Variants in GLDN observed in about 807,000 individuals in gnomAD.
GLDN encodes the protein gliomedin, also known as collomin.
Under a neutral mutation model 56.5 loss-of-function variants are expected in GLDN, and 47 were observed. That is an observed-to-expected ratio of 0.83 (90% confidence interval 0.66 to 1.06). GLDN has a LOEUF of 1.06. Ranked by LOEUF, GLDN falls within the 50% of genes least tolerant of loss-of-function variation. The pLI is 0.00. For missense variants in GLDN, 782 were observed against 714.3 expected, an observed-to-expected ratio of 1.09 and a Z score of -1.08; for synonymous variants, 332 against 278.8, an observed-to-expected ratio of 1.19 and a Z score of -1.90.
intron 1 of GLDN, among the ~76,000 whole-genome samples, chr15:51,352,766 C>G (rs936393960): frequency 6.6e-6 from 1 of 152,182 alleles, no homozygotes. Flanking sequence ...AGAAATCTGA[C>G]CTAACTGGCT....
At chr15:51,370,521 A>C (rs2141077372) in intron 1 of GLDN, among the ~76,000 whole-genome samples, 1 of 152,324 alleles carries the variant, frequency 6.6e-6, no homozygotes, top group Non-Finnish European at 1.5e-5. Flanking sequence ...GAAACAACAG[A>C]GATCTGTCCA....
chr15:51,355,805 G>A (rs917589036), intron 1 of GLDN, among the ~76,000 whole-genome samples: 6 of 150,654 alleles, frequency 4.0e-5, no homozygotes, highest in East Asian at 4.0e-4. Flanking sequence ...TTACAGGCGT[G>A]AGCCACCACA....
chr15:51,342,116 C>G, intron 1 of GLDN, 69 bp downstream of exon 1: 1 of 1,562,850 alleles, frequency 6.4e-7, no homozygotes, highest in Non-Finnish European at 8.6e-7. Context: ...GGCGAGGACG[C>G]CGACGCCCTC....
rs547081906 is a variant in GLDN at position 51,407,486 on chromosome 15, T to G, written c.*2732T>G. 2 of 152,320 alleles carry G rather than the reference T, an allele frequency of 1.3e-5. No homozygotes were observed. The highest frequency in any genetic ancestry group is 4.1e-4 in the South Asian group (2 of 4,824). 9.4% of individuals were successfully genotyped at this position (152,320 alleles called of 1,614,324 possible). On this transcript the variant is annotated 3_prime_UTR_variant, in exon 10 of 10. Transcript: ENST00000335449. ...ACCAGATAATTCTCTAATTCTTCTTTAATCTAAAGTAGATAGCTTCCCACT... is the reference window on the plus strand; with the variant it reads ...ACCAGATAATTCTCTAATTCTTCTTGAATCTAAAGTAGATAGCTTCCCACT...
At chr15:51,345,634 A>G (rs1331492432) in intron 1 of GLDN, among the ~76,000 whole-genome samples, 1 of 152,214 alleles carries the variant, frequency 6.6e-6, no homozygotes, top group East Asian at 1.9e-4. Context: ...CTCACCCCCA[A>G]AACTATAGCT....
Position 51,353,713 on chromosome 15 carries a change from TTA to T in GLDN, c.363+11667_363+11668del, listed in dbSNP as rs781062061. On this transcript the variant is annotated intron_variant, in intron 1 of 9. Transcript: ENST00000335449. ...CTATCAGAACAGTCCTCGGATTTGATTAAAAAAAAAAAAAAAAAAAACCACAG... is the reference window on the plus strand; with the variant it reads ...CTATCAGAACAGTCCTCGGATTTGATAAAAAAAAAAAAAAAAAAACCACAG... Among the ~76,000 whole-genome samples, 437 of 80,476 alleles carry T rather than the reference TTA, an allele frequency of 5.4e-3. 6 individuals carry two copies. The highest frequency in any genetic ancestry group is 0.019 in the African/African-American group (343 of 18,128). The allele number at this position is 80,476 out of a possible 152,430, so 52.8% of individuals were successfully genotyped here. A position where few individuals can be genotyped will look rare whatever the true frequency, so the allele number is the denominator to read the frequency against.
intron 1 of GLDN, among the ~76,000 whole-genome samples, chr15:51,371,575 G>A (rs1213885349): frequency 6.6e-6 from 1 of 152,180 alleles, no homozygotes; most frequent in Admixed American, 6.5e-5. Flanking sequence ...GGAAAAGCTG[G>A]TCAGGCTGCC....
chr15:51,374,431 A>T (rs2037581401), intron 1 of GLDN, among the ~76,000 whole-genome samples: 1 of 152,220 alleles, frequency 6.6e-6, no homozygotes, highest in South Asian at 2.1e-4. Context: ...TGGTGATGTT[A>T]AGATAATCAC....
intron 2 of GLDN, among the ~76,000 whole-genome samples, chr15:51,382,469 T>C (rs1478880560): frequency 6.6e-6 from 1 of 152,038 alleles, no homozygotes; most frequent in Non-Finnish European, 1.5e-5. Flanking sequence ...TGGTAATCAT[T>C]ATATGTGGTC....
At chr15:51,365,654 A>G (rs1474857768) in intron 1 of GLDN, among the ~76,000 whole-genome samples, 1 of 152,202 alleles carries the variant, frequency 6.6e-6, no homozygotes, top group African/African-American at 2.4e-5. Flanking sequence ...TCTGACTCCC[A>G]AGTCCACGAT....
chr15:51,400,078 G>A lies in GLDN; in HGVS notation c.818-114G>A, dbSNP rs566987095. On this transcript the variant is annotated intron_variant, in intron 6 of 9. Coordinates refer to ENST00000335449, the MANE Select transcript of GLDN (RefSeq NM_181789.4). ...AGGAATCTGGTGATCTATTGCAAGG[G>A]ATGTTTATGAGACTAGAGTCTGGAA... The A allele has an allele frequency of 8.2e-6, 7 of 849,226 alleles. No homozygotes were observed. In the South Asian group the frequency reaches 1.1e-4, roughly 13 times the overall value. 52.6% of individuals were successfully genotyped at this position (849,226 alleles called of 1,614,324 possible).
At position 51,350,116 on chromosome 15, in the gene GLDN, C is replaced by T. The variant is rs1165971840; in HGVS notation, c.363+8069C>T. Among the ~76,000 whole-genome samples, 3 of 152,208 alleles carry T rather than the reference C, an allele frequency of 2.0e-5. No individual in the cohort carries two copies. In the South Asian group the frequency reaches 6.2e-4, roughly 32 times the overall value. ...CCTTGGTTAACTCTGGGGTCTAACACCTCTCCCAAGGAGATGGAATGCAAG... is the reference window on the plus strand; with the variant it reads ...CCTTGGTTAACTCTGGGGTCTAACATCTCTCCCAAGGAGATGGAATGCAAG... On this transcript the variant is annotated intron_variant, in intron 1 of 9. Transcript: ENST00000335449.
At chr15:51,356,598 T>C (rs998102569) in intron 1 of GLDN, among the ~76,000 whole-genome samples, 3 of 152,178 alleles carry the variant, frequency 2.0e-5, no homozygotes, top group Non-Finnish European at 2.9e-5. Context: ...TCTAAGCCTT[T>C]ATAATGGTAA....
chr15:51,345,930 CCAAA>C (rs2036970333), intron 1 of GLDN, among the ~76,000 whole-genome samples: 2 of 151,946 alleles, frequency 1.3e-5, no homozygotes, highest in Non-Finnish European at 2.9e-5. Context: ...CTTCTTATAC[CCAAA>C]CAATCATCTG....
At chr15:51,374,423 G>A (rs116619337) in intron 1 of GLDN, among the ~76,000 whole-genome samples, 2,203 of 152,204 alleles carry the variant, frequency 0.014, 57 homozygotes, top group African/African-American at 0.051. Flanking sequence ...TTTCTGTCTG[G>A]TGATGTTAAG....
intron 4 of GLDN, chr15:51,384,697 G>C (rs1456282908): frequency 6.6e-6 from 1 of 152,586 alleles, no homozygotes; most frequent in Admixed American, 6.5e-5. Context: ...GCTGTGGTGG[G>C]AGCTCAAAGA....
rs779981863 is a variant in GLDN at position 51,377,484 on chromosome 15, G to A, written c.399G>A (p.Lys133=). The change falls in exon 2 of 10, where the codon AAG becomes AAA. Residue 133 remains lysine (K), a synonymous_variant. Coordinates refer to ENST00000335449, the MANE Select transcript of GLDN (RefSeq NM_181789.4). Reference sequence around the variant, plus strand: ...TGGTGGACCTGTGCAACAGCACCAAGGGCATCTGCCTCACAGGTAGGCTGG... The same window carrying A: ...TGGTGGACCTGTGCAACAGCACCAAAGGCATCTGCCTCACAGGTAGGCTGG... ...RVMVDLCNST[K]GICLTGPSGP... The A allele has an allele frequency of 6.2e-7, 1 of 1,614,034 alleles. No homozygotes were observed. Among genetic ancestry groups the A allele is most frequent in the South Asian group, 1.1e-5 (1 of 91,068 alleles).
At chr15:51,408,055 A>G (rs539014310), downstream of GLDN, 2 of 152,358 alleles carry the variant, frequency 1.3e-5, no homozygotes, top group African/African-American at 4.8e-5. Flanking sequence ...TGTATACGTA[A>G]CATTTAAAAG....
intron 1 of GLDN, among the ~76,000 whole-genome samples, chr15:51,376,629 TAACAC>T (rs1044036868): frequency 1.2e-4 from 18 of 152,194 alleles, no homozygotes; most frequent in African/African-American, 2.4e-4. Context: ...TGACTTGTAA[TAACAC>T]AACACAAACA....
Sources: allele counts gnomAD v4.1 joint callset (sites outside exome capture counted in the v4.1 genomes callset), GRCh38; gene constraint gnomAD v4.1.1; transcripts MANE v1.5; gene names NCBI Gene and HGNC (gene_info 2026-07-23, HGNC 2026-07-21).